Variants in ZNF570 observed in about 807,000 individuals in gnomAD.
The protein encoded by ZNF570 is zinc finger protein 570.
In ZNF570, 8 loss-of-function variants were observed where a neutral mutation model predicts 14.2. That is an observed-to-expected ratio of 0.56 (90% confidence interval 0.33 to 1.02). The LOEUF (loss-of-function observed/expected upper bound fraction) is 1.02, where lower values mean the gene tolerates loss of function less well. ZNF570 is among the 50% of genes least tolerant of loss of function. The pLI is 0.03. For missense variants in ZNF570, 559 were observed against 624.9 expected (o/e 0.89, Z 1.12); for synonymous variants, 202 against 207.6 (o/e 0.97, Z 0.23).
chr19:37,477,862 T>C (rs2042045285), intron 4 of ZNF570, among the ~76,000 whole-genome samples: 2 of 152,224 alleles, frequency 1.3e-5, no homozygotes, highest in South Asian at 4.1e-4. Flanking sequence ...CTGCCTGTTT[T>C]TCTGAATGTT....
intron 4 of ZNF570, among the ~76,000 whole-genome samples, chr19:37,479,157 G>A (rs2147015389): frequency 6.6e-6 from 1 of 151,764 alleles, no homozygotes; most frequent in Non-Finnish European, 1.5e-5. Flanking sequence ...AAAATTCTAG[G>A]TTTTCTATTT....
chr19:37,470,267 A>G (rs969419705), intron 1 of ZNF570, 37 bp from the exon 2 acceptor site: 14 of 1,597,932 alleles, frequency 8.8e-6, no homozygotes, highest in Non-Finnish European at 1.2e-5. Context: ...ATGCTGCAAG[A>G]AAAGTCTAGT....
chr19:37,468,661 A>C (rs928369729), upstream of ZNF570, among the ~76,000 whole-genome samples: 73 of 152,050 alleles, frequency 4.8e-4, no homozygotes, highest in African/African-American at 1.7e-3. Flanking sequence ...GCGTGCCACC[A>C]CGCCCGGCTA....
chr19:37,469,422 G>C lies in ZNF570; in HGVS notation c.-187G>C. The stretch of plus-strand genomic sequence containing the variant: ...AGGGTAGCGGTGAGACCCGAGTGCA[G>C]ATTCCCCGAGCCTTCGGGGCAGGAA... On this transcript the variant is annotated 5_prime_UTR_variant, in exon 1 of 5. Coordinates refer to ENST00000330173, the MANE Select transcript of ZNF570 (RefSeq NM_144694.5). 6.5e-7 allele frequency: 1 copy of C among 1,531,700 alleles called. No individual in the cohort carries two copies. The highest frequency in any genetic ancestry group is 2.4e-5 in the East Asian group (1 of 40,820). The allele number at this position is 1,531,700 out of a possible 1,614,324, so 94.9% of individuals were successfully genotyped here. A position where few individuals can be genotyped will look rare whatever the true frequency, so the allele number is the denominator to read the frequency against.
At chr19:37,481,918 TC>T (rs2042091989) in intron 4 of ZNF570, among the ~76,000 whole-genome samples, 1 of 152,208 alleles carries the variant, frequency 6.6e-6, no homozygotes. Flanking sequence ...AGAAAGTTTT[TC>T]TATTTCTACA....
Position 37,477,341 on chromosome 19 carries a change from C to CT in ZNF570, c.256+923dup, listed in dbSNP as rs757151185. 5.7e-3 allele frequency among the ~76,000 whole-genome samples: 600 copies of CT among 105,646 alleles called. 8 individuals carry two copies. The highest frequency in any genetic ancestry group is 0.019 in the African/African-American group (518 of 27,286). 69.3% of individuals were successfully genotyped at this position (105,646 alleles called of 152,430 possible). A position where few individuals can be genotyped will look rare whatever the true frequency, so the allele number is the denominator to read the frequency against. On this transcript the variant is annotated intron_variant, in intron 4 of 4. Transcript: ENST00000330173. ...TGTGTGTGTGTGTGTGTATTTGTAA[C>CT]TTTTTTTTTTTTTTTTGAGACAGAG...
intron 3 of ZNF570, 56 bp downstream of exon 3, chr19:37,476,063 CA>C (rs2042020318): frequency 6.5e-7 from 1 of 1,548,418 alleles, no homozygotes; most frequent in South Asian, 1.2e-5. Context: ...TCTTTGCTAC[CA>C]CTATTGTGAA....
chr19:37,477,530 C>A (rs369840272), intron 4 of ZNF570, among the ~76,000 whole-genome samples: 1 of 151,424 alleles, frequency 6.6e-6, no homozygotes, highest in Non-Finnish European at 1.5e-5. Context: ...TTAGTAGAGA[C>A]GAGGTTTCAC....
At chr19:37,469,330 C>A, upstream of ZNF570, 1 of 1,416,958 alleles carries the variant, frequency 7.1e-7, no homozygotes, top group Non-Finnish European at 9.2e-7. Context: ...CCCTTTGTGT[C>A]CTCCGGGGGC....
chr19:37,476,290 G>A (rs1355961787), intron 3 of ZNF570, 49 bp from the exon 4 acceptor site: 1 of 1,598,920 alleles, frequency 6.3e-7, no homozygotes, highest in South Asian at 1.1e-5. Context: ...GTGAGTTCTG[G>A]AATATCCACA....
At position 37,470,327 on chromosome 19, in the gene ZNF570, C is replaced by T; in HGVS notation, c.-28C>T. 1 of 1,614,010 alleles carries T rather than the reference C, an allele frequency of 6.2e-7. No individual in the cohort carries two copies. The highest frequency in any genetic ancestry group is 1.7e-5 in the Admixed American group (1 of 60,022). On this transcript the variant is annotated 5_prime_UTR_variant, in exon 2 of 5. Transcript: ENST00000330173. Reference sequence around the variant, plus strand: ...AGTCATCTGAGGCCACTGCTATTTCCCAAGAGAAGAGCCAGGAGGAAGAAA... The same window carrying T: ...AGTCATCTGAGGCCACTGCTATTTCTCAAGAGAAGAGCCAGGAGGAAGAAA...
chr19:37,469,421 A>G lies in ZNF570; in HGVS notation c.-188A>G. 4.6e-6 allele frequency: 7 copies of G among 1,531,208 alleles called. No homozygotes were observed. Among genetic ancestry groups the G allele is most frequent in the Non-Finnish European group, 6.1e-6 (7 of 1,143,616 alleles). 94.9% of individuals were successfully genotyped at this position (1,531,208 alleles called of 1,614,324 possible). The stretch of plus-strand genomic sequence containing the variant: ...AAGGGTAGCGGTGAGACCCGAGTGC[A>G]GATTCCCCGAGCCTTCGGGGCAGGA... On this transcript the variant is annotated 5_prime_UTR_variant, in exon 1 of 5. Transcript: ENST00000330173.
rs1335064253 is a variant in ZNF570, at chr19:37,485,194, ACTGT to A, written c.1574_1577del (p.Leu525HisfsTer14). 3 of 1,578,382 alleles carry A rather than the reference ACTGT, an allele frequency of 1.9e-6. No homozygotes were observed. Among genetic ancestry groups the A allele is most frequent in the African/African-American group, 2.7e-5 (2 of 73,952 alleles). On this transcript the variant is annotated frameshift_variant, in exon 5 of 5. Transcript: ENST00000330173. LOFTEE classifies it high-confidence loss of function. ...ACCAGAGAATTCACATTGGGGAGTC[ACTGT>A]CACCACCCAACCCAGTCAATCACCA...
Position 37,484,232 on chromosome 19 carries a change from A to G in ZNF570, c.610A>G (p.Met204Val), listed in dbSNP as rs865973675. 1 of 1,613,896 alleles carries G rather than the reference A, an allele frequency of 6.2e-7. No homozygotes were observed. The highest frequency in any genetic ancestry group is 1.7e-5 in the Admixed American group (1 of 59,986). ...TQKRSFKKNL[M>V]AIKPKSVCAE... ...AAAGAGAAGCTTTAAAAAAAATTTA[A>G]TGGCTATTAAGCCCAAGAGTGTCTG... Residue 204 changes from methionine (M) to valine (V), a missense_variant, in exon 5 of 5, where the codon ATG becomes GTG. Physicochemically the swap from Met to Val is conservative, Grantham distance 21 (BLOSUM62 1). Coordinates refer to ENST00000330173, the MANE Select transcript of ZNF570 (RefSeq NM_144694.5).
intron 2 of ZNF570, 109 bp downstream of exon 2, chr19:37,470,496 A>G: frequency 2.2e-6 from 2 of 928,786 alleles, no homozygotes; most frequent in South Asian, 2.9e-5. Context: ...CATGTCCCTT[A>G]TCAACACTCT....
chr19:37,482,815 T>TTCTCTC (rs35690455), intron 4 of ZNF570, among the ~76,000 whole-genome samples: 7 of 141,624 alleles, frequency 4.9e-5, no homozygotes, highest in Admixed American at 1.4e-4. Flanking sequence ...TTCCCCTGCT[T>TTCTCTC]TCTCTCTCTC....
At chr19:37,476,570 A>G in intron 4 of ZNF570, 136 bp downstream of exon 4, 1 of 1,258,054 alleles carries the variant, frequency 7.9e-7, no homozygotes, top group Non-Finnish European at 1.0e-6. Flanking sequence ...GGGGCCATTT[A>G]GGATGTTCTC....
At position 37,481,367 on chromosome 19, in the gene ZNF570, C is replaced by G. The variant is rs112173590; in HGVS notation, c.257-2512C>G. Among the ~76,000 whole-genome samples the G allele has an allele frequency of 7.6e-4, 115 of 152,152 alleles. 1 individual carries two copies. Among genetic ancestry groups the G allele is most frequent in the African/African-American group, 2.7e-3 (112 of 41,526 alleles). ...TGGGGGTTTCACTATGTTGGCCAGG[C>G]TGGTCTCAAACTCCTGAGCTCGTGA... On this transcript the variant is annotated intron_variant, in intron 4 of 4. Transcript: ENST00000330173.
chr19:37,481,449 G>A (rs546822578), intron 4 of ZNF570, among the ~76,000 whole-genome samples: 2 of 152,260 alleles, frequency 1.3e-5, no homozygotes, highest in African/African-American at 2.4e-5. Context: ...CATTGTGCCC[G>A]GTGACAGATT....
Sources: allele counts gnomAD v4.1 joint callset (sites outside exome capture counted in the v4.1 genomes callset), GRCh38; gene constraint gnomAD v4.1.1; transcripts MANE v1.5; gene names NCBI Gene and HGNC (gene_info 2026-07-23, HGNC 2026-07-21).